ATG2A: variants seen among roughly 807,000 people sequenced by gnomAD.
ATG2A encodes autophagy-related protein 2 homolog A.
ATG2A carries 103 observed loss-of-function variants against 214.2 expected under a neutral mutation model. The ratio of observed to expected loss-of-function variants is 0.48; its 90% CI spans 0.41 to 0.57. ATG2A has a LOEUF of 0.57. ATG2A is among the 20% of genes least tolerant of loss of function. The pLI is 0.00. For missense variants in ATG2A, 2,312 were observed against 2,613.2 expected (o/e 0.88, Z 2.51); for synonymous variants, 1,160 against 1,142.1 (o/e 1.02, Z -0.32).
chr11:64,911,194 G>A lies in ATG2A; in HGVS notation c.1310C>T (p.Thr437Ile), dbSNP rs1240188017. Residue 437 changes from threonine (T) to isoleucine (I), a missense_variant, in exon 10 of 41, where the codon ACC becomes ATC. By Grantham distance (89) the Thr-to-Ile change is moderately conservative (BLOSUM62 -1). Transcript: ENST00000377264. ...AGATGGGGCAGACGTCTGAAGCAAG[G>A]TCAGGGTCACACCCCCCAAGGTCAT... ...LKMTLGGVTL[T>I]LLQTSAPSSG... The A allele has an allele frequency of 6.2e-7, 1 of 1,614,146 alleles. No individual in the cohort carries two copies. The highest frequency in any genetic ancestry group is 1.1e-5 in the South Asian group (1 of 91,080).
chr11:64,907,846 G>T lies in ATG2A; in HGVS notation c.2409C>A (p.Ser803Arg). ...GDPEEMRTFQSRTLALSRCSL... is the reference protein window; with the variant it reads ...GDPEEMRTFQRRTLALSRCSL... ...TGCAGCGGGACAGTGCCAGGGTCCG[G>T]CTCTGGAACGTCCTCATCTCCTCAG... Residue 803 changes from serine to arginine, a missense_variant, in exon 17 of 41, where the codon AGC (serine) becomes AGA (arginine). Ser to Arg is a moderately radical substitution (Grantham distance 110). Transcript: ENST00000377264. 2 of 1,613,140 alleles carry T rather than the reference G, an allele frequency of 1.2e-6. No individual in the cohort carries two copies. Among genetic ancestry groups the T allele is most frequent in the African/African-American group, 1.3e-5 (1 of 75,052 alleles).
chr11:64,900,702 G>A, intron 30 of ATG2A, 73 bp from the exon 31 acceptor site: 1 of 1,487,618 alleles, frequency 6.7e-7, no homozygotes, highest in Non-Finnish European at 8.9e-7. Flanking sequence ...GGGCCTTTTA[G>A]CCTGGGACAA....
rs138454989 is a variant in ATG2A at position 64,909,808 on chromosome 11, C to T, written c.1980G>A (p.Ala660=). The change falls in exon 14 of 41, where the codon GCG becomes GCA. Residue 660 remains alanine, a synonymous_variant. Transcript: ENST00000377264. ...GCTGCTCAGCCCGCACGGCCTGGCCCGCCCAGGGGTCCGGCTCAGGCCGCA... is the reference window on the plus strand; with the variant it reads ...GCTGCTCAGCCCGCACGGCCTGGCCTGCCCAGGGGTCCGGCTCAGGCCGCA... ...ADLRPEPDPW[A]GQAVRAEQLR... is the part of the protein sequence containing the mutation. The T allele has an allele frequency of 6.2e-6, 10 of 1,611,628 alleles. No homozygotes were observed. The East Asian group carries it at 6.7e-5, about 11-fold the overall frequency.
At position 64,897,512 on chromosome 11, in the gene ATG2A, T is replaced by C. The variant is rs1264560094; in HGVS notation, c.5068-18A>G. ...AAAGTGCCCTGGGAGAGGGAGGGGGTCCAGGTTTACCCAATGGGACTCAGG... is the reference window on the plus strand; with the variant it reads ...AAAGTGCCCTGGGAGAGGGAGGGGGCCCAGGTTTACCCAATGGGACTCAGG... On this transcript the variant is annotated intron_variant, in intron 36 of 40. Coordinates refer to ENST00000377264, the MANE Select transcript of ATG2A (RefSeq NM_015104.3). The C allele has an allele frequency of 1.3e-6, 2 of 1,583,356 alleles. No individual in the cohort carries two copies. The highest frequency in any genetic ancestry group is 1.4e-5 in the African/African-American group (1 of 73,804).
rs1223811821 is a variant in ATG2A at position 64,898,090 on chromosome 11, A to C, written c.4854T>G (p.Ala1618=). 6.2e-7 allele frequency: 1 copy of C among 1,613,802 alleles called. No individual in the cohort carries two copies. The highest frequency in any genetic ancestry group is 2.2e-5 in the East Asian group (1 of 44,894). The change falls in exon 34 of 41, where the codon GCT becomes GCG. Residue 1618 remains alanine, a synonymous_variant. Transcript: ENST00000377264. The surrounding 1 kb of genome is among the most constrained non-coding windows in gnomAD (Gnocchi z 4.5). ...CTCCCTGGCCCAGCCTCTCACCCTCAGCGGAGGTCTCCCCTGGGACCACGG... is the reference window on the plus strand; with the variant it reads ...CTCCCTGGCCCAGCCTCTCACCCTCCGCGGAGGTCTCCCCTGGGACCACGG... ...INPVVPGETS[A]EARPETRAQP...
rs1245408877 is a variant in ATG2A, at chr11:64,903,690, G to C, written c.3465-30C>G. 6.5e-7 allele frequency: 1 copy of C among 1,541,340 alleles called. No homozygotes were observed. Among genetic ancestry groups the C allele is most frequent in the African/African-American group, 1.4e-5 (1 of 72,954 alleles). ...GGGGGAACAGGGCTGAGAAGGGCCCGGGCACCGCTGCAGGGGGCAGCTCCA... is the reference window on the plus strand; with the variant it reads ...GGGGGAACAGGGCTGAGAAGGGCCCCGGCACCGCTGCAGGGGGCAGCTCCA... On this transcript the variant is annotated intron_variant, in intron 24 of 40. Transcript: ENST00000377264. The surrounding 1 kb of genome is among the most constrained non-coding windows in gnomAD (Gnocchi z 4.2).
intron 27 of ATG2A, 39 bp downstream of exon 27, chr11:64,902,477 C>T (rs370498358): frequency 1.6e-4 from 247 of 1,531,996 alleles, no homozygotes; most frequent in Non-Finnish European, 2.0e-4. Flanking sequence ...GGGGCCTGGC[C>T]GAGCTCTGGT....
rs968163928 is a variant in ATG2A, at chr11:64,903,875, C to T, written c.3465-215G>A. Among the ~76,000 whole-genome samples, 1 of 152,238 alleles carries T rather than the reference C, an allele frequency of 6.6e-6. No individual in the cohort carries two copies. The highest frequency in any genetic ancestry group is 1.5e-5 in the Non-Finnish European group (1 of 68,042). On this transcript the variant is annotated intron_variant, in intron 24 of 40. Coordinates refer to ENST00000377264, the MANE Select transcript of ATG2A (RefSeq NM_015104.3). This position sits in a 1 kb window ranked among gnomAD's most constrained non-coding sequence, Gnocchi z 4.2. ...CTCAAAGTGCCTGCAGTTCCGACAC[C>T]TCAATGGGGCCTCATGACAGTCCTG...
In ATG2A at chr11:64,911,893, C is replaced by G; in HGVS notation, c.1177G>C (p.Val393Leu). The change falls in exon 9 of 41, where the codon GTG (valine) becomes CTG (leucine). Residue 393 changes from valine to leucine, a missense_variant. By Grantham distance (32) the Val-to-Leu change is conservative. Coordinates refer to ENST00000377264, the MANE Select transcript of ATG2A (RefSeq NM_015104.3). ...CGGCGGGAGGCCATGTCGCTGCGCA[C>G]AGAGGAGGCCAGGTCTACATCGGAG... ...SLSDVDLASS[V>L]RSDMASRRLS... The G allele has an allele frequency of 6.2e-7, 1 of 1,613,604 alleles. No individual in the cohort carries two copies. The highest frequency in any genetic ancestry group is 8.5e-7 in the Non-Finnish European group (1 of 1,179,884).
At chr11:64,900,713 G>A in intron 30 of ATG2A, 84 bp from the exon 31 acceptor site, 1 of 1,472,688 alleles carries the variant, frequency 6.8e-7, no homozygotes, top group Admixed American at 2.5e-5. Flanking sequence ...CCTGGGACAA[G>A]AGACCCCCGC....
chr11:64,913,038 C>T lies in ATG2A; in HGVS notation c.825G>A (p.Lys275=). The change falls in exon 6 of 41, where the codon AAG becomes AAA. Residue 275 remains lysine, a splice_region_variant and synonymous_variant. Coordinates refer to ENST00000377264, the MANE Select transcript of ATG2A (RefSeq NM_015104.3). The surrounding 1 kb of genome is among the most constrained non-coding windows in gnomAD (Gnocchi z 4.3). ...LKQNEAFPGP[K]LEVAGQLGSL... Reference sequence around the variant, plus strand: ...CCTCCCCAGGGGCCTGGGGACCCACCTTGGGGCCAGGGAAGGCCTCATTTT... The same window carrying T: ...CCTCCCCAGGGGCCTGGGGACCCACTTTGGGGCCAGGGAAGGCCTCATTTT... 1 of 1,551,332 alleles carries T rather than the reference C, an allele frequency of 6.4e-7. No homozygotes were observed. The highest frequency in any genetic ancestry group is 8.7e-7 in the Non-Finnish European group (1 of 1,148,066).
chr11:64,903,811 C>T lies in ATG2A; in HGVS notation c.3465-151G>A. 3 of 714,062 alleles carry T rather than the reference C, an allele frequency of 4.2e-6. No individual in the cohort carries two copies. The highest frequency in any genetic ancestry group is 2.2e-5 in the South Asian group (1 of 44,834). 44.2% of individuals were successfully genotyped at this position (714,062 alleles called of 1,614,324 possible). ...CTGCCTGCACAATGGGGAGAAGGCC[C>T]AGACAGCAGGCAGTGGGAAGCGGGC... On this transcript the variant is annotated intron_variant, in intron 24 of 40. Transcript: ENST00000377264. The surrounding 1 kb of genome is among the most constrained non-coding windows in gnomAD (Gnocchi z 4.2).
chr11:64,897,992 A>G lies in ATG2A; in HGVS notation c.4859-18T>C, dbSNP rs1361918371. ...GGGGCGAGCTAGGGGAGGGGAGGTC[A>G]CAGACTGGGGATGGGGCCAGGAATG... On this transcript the variant is annotated intron_variant, in intron 34 of 40. Coordinates refer to ENST00000377264, the MANE Select transcript of ATG2A (RefSeq NM_015104.3). The G allele has an allele frequency of 1.9e-6, 3 of 1,569,834 alleles. No individual in the cohort carries two copies. Among genetic ancestry groups the G allele is most frequent in the African/African-American group, 1.4e-5 (1 of 73,658 alleles).
chr11:64,906,698 G>T lies in ATG2A; in HGVS notation c.2950C>A (p.Leu984Met), dbSNP rs773094866. The T allele has an allele frequency of 2.5e-6, 4 of 1,613,520 alleles. No individual in the cohort carries two copies. In the African/African-American group the frequency reaches 5.3e-5, roughly 22 times the overall value. ...CGQPGLGYFC[L>M]EAEKATLYHR... ...TAGAGTGTTGCCTTTTCAGCTTCCA[G>T]ACAGAAGTAGCCAAGTCCTGGCTGG... The change falls in exon 20 of 41, where the codon CTG becomes ATG. Residue 984 changes from leucine (L) to methionine (M), a missense_variant. By Grantham distance (15) the Leu-to-Met change is conservative (BLOSUM62 2). Transcript: ENST00000377264.
In ATG2A at chr11:64,900,716, A is replaced by T. The variant is rs1370721870; in HGVS notation, c.4329-87T>A. The stretch of plus-strand genomic sequence containing the variant: ...CGGGCCTTTTAGCCTGGGACAAGAG[A>T]CCCCCGCTAGCCCCAGTCCTGGAAG... On this transcript the variant is annotated intron_variant, in intron 30 of 40. Transcript: ENST00000377264. The T allele has an allele frequency of 7.5e-6, 11 of 1,466,324 alleles. No individual in the cohort carries two copies. The East Asian group carries it at 1.7e-4, about 23-fold the overall frequency. The allele number at this position is 1,466,324 out of a possible 1,614,324, so 90.8% of individuals were successfully genotyped here.
chr11:64,906,940 G>T, intron 19 of ATG2A, 125 bp from the exon 20 acceptor site: 1 of 1,211,394 alleles, frequency 8.3e-7, no homozygotes, highest in Non-Finnish European at 1.1e-6. Flanking sequence ...CATGGACGCT[G>T]CTGGAGGCCC....
At chr11:64,897,319 G>T (rs1028570308) in intron 37 of ATG2A, 93 bp downstream of exon 37, 1 of 1,427,000 alleles carries the variant, frequency 7.0e-7, no homozygotes, top group Non-Finnish European at 9.6e-7. Flanking sequence ...CCTGAGAAGG[G>T]TGATGACTTG....
chr11:64,896,290 G>C (rs951436952), intron 39 of ATG2A, among the ~76,000 whole-genome samples, 172 bp downstream of exon 39: 1 of 152,236 alleles, frequency 6.6e-6, no homozygotes, highest in African/African-American at 2.4e-5. Flanking sequence ...GACCTGGCTT[G>C]GAGGTCCCAG....
chr11:64,916,360 C>T (rs1350998516), intron 1 of ATG2A, among the ~76,000 whole-genome samples: 1 of 152,170 alleles, frequency 6.6e-6, no homozygotes, highest in East Asian at 1.9e-4. Context: ...CCCACTTGGC[C>T]CATCCCACTC....
Sources: allele counts gnomAD v4.1 joint callset (sites outside exome capture counted in the v4.1 genomes callset), GRCh38; gene constraint gnomAD v4.1.1; non-coding constraint Gnocchi (gnomAD v3.1); transcripts MANE v1.5; gene names NCBI Gene and HGNC (gene_info 2026-07-23, HGNC 2026-07-21).